EML4: variants seen among roughly 807,000 people sequenced by gnomAD.
EML4 encodes EMAP like 4.
In EML4, 72 loss-of-function variants were observed where a neutral mutation model predicts 129.0. The ratio of observed to expected loss-of-function variants is 0.56; its 90% CI spans 0.46 to 0.68. The LOEUF is 0.68. EML4 is among the 30% of genes least tolerant of loss of function. EML4 has a pLI of 0.00. For synonymous variants in EML4, 532 were observed against 405.0 expected, an observed-to-expected ratio of 1.31 and a Z score of -3.77; for missense variants, 1,363 against 1,190.6, an observed-to-expected ratio of 1.14 and a Z score of -2.13.
At chr2:42,239,648 A>C (rs1193668923) in intron 1 of EML4, among the ~76,000 whole-genome samples, 1 of 151,982 alleles carries the variant, frequency 6.6e-6, no homozygotes, top group Non-Finnish European at 1.5e-5. Context: ...TTAACCTTCA[A>C]AGCTGGAAAC....
In EML4 at chr2:42,208,151, C is replaced by A. The variant is rs924664415; in HGVS notation, c.26-37354C>A. The A allele has an allele frequency of 3.9e-5, 6 of 152,206 alleles. No individual in the cohort carries two copies. In the South Asian group the frequency reaches 1.2e-3, roughly 32 times the overall value. 9.4% of individuals were successfully genotyped at this position (152,206 alleles called of 1,614,324 possible). A position where few individuals can be genotyped will look rare whatever the true frequency, so the allele number is the denominator to read the frequency against. ...GCATTTATTCGTTTATTCTTCCTGG[C>A]CACTCTGGGAGGGAGGTCTTATGTC... is the stretch of plus-strand genomic sequence containing the variant. On this transcript the variant is annotated intron_variant, in intron 1 of 22. Transcript: ENST00000318522.
intron 17 of EML4, among the ~76,000 whole-genome samples, chr2:42,315,003 TC>T (rs1411694252): frequency 6.6e-6 from 1 of 152,236 alleles, no homozygotes; most frequent in Non-Finnish European, 1.5e-5. Context: ...ATTTAGAGCT[TC>T]CCTGTGCAAG....
At chr2:42,307,365 T>C (rs984988585) in intron 17 of EML4, among the ~76,000 whole-genome samples, 1 of 152,260 alleles carries the variant, frequency 6.6e-6, no homozygotes, top group Non-Finnish European at 1.5e-5. Flanking sequence ...AGTGATGTGA[T>C]AACTAAATTG....
chr2:42,295,258 G>A lies in EML4; in HGVS notation c.1352G>A (p.Gly451Glu). The part of the protein sequence containing the change: ...NSLTRKQGIF[G>E]KYEKPKFVQC... The stretch of plus-strand genomic sequence containing the variant: ...CTAACAAGAAAACAGGGAATTTTTG[G>A]GGTAAGAATCAGATTGTTTTAATGT... Residue 451 changes from glycine to glutamate, a missense_variant and splice_region_variant, in exon 12 of 23, where the codon GGG becomes GAG. Coordinates refer to ENST00000318522, the MANE Select transcript of EML4 (RefSeq NM_019063.5). The A allele has an allele frequency of 1.2e-6, 2 of 1,612,684 alleles. No individual in the cohort carries two copies. Among genetic ancestry groups the A allele is most frequent in the Non-Finnish European group, 1.7e-6 (2 of 1,179,602 alleles).
At chr2:42,208,935 T>TC (rs1442492404) in intron 1 of EML4, among the ~76,000 whole-genome samples, 1 of 152,132 alleles carries the variant, frequency 6.6e-6, no homozygotes, top group African/African-American at 2.4e-5. Context: ...TAGGTACCCA[T>TC]CCCATTTACA....
intron 6 of EML4, among the ~76,000 whole-genome samples, chr2:42,271,113 T>G (rs1182235168): frequency 6.6e-6 from 1 of 152,112 alleles, no homozygotes; most frequent in Non-Finnish European, 1.5e-5. Flanking sequence ...AGGCTGTTCT[T>G]GAACTCCTGG....
At chr2:42,213,969 A>T (rs1007980288) in intron 1 of EML4, among the ~76,000 whole-genome samples, 21 of 152,214 alleles carry the variant, frequency 1.4e-4, no homozygotes, top group Non-Finnish European at 2.9e-5. Context: ...CTGAGTACCT[A>T]TTATGTGTGT....
At chr2:42,281,583 C>T (rs569873647) in intron 7 of EML4, among the ~76,000 whole-genome samples, 1 of 152,258 alleles carries the variant, frequency 6.6e-6, no homozygotes, top group South Asian at 2.1e-4. Context: ...CACTTACTCT[C>T]CGTGAACCTT....
At chr2:42,319,976 T>G (rs971301695) in intron 19 of EML4, 3 of 152,188 alleles carry the variant, frequency 2.0e-5, no homozygotes, top group Admixed American at 1.3e-4. Context: ...ATAAAAATAA[T>G]AAAGTAAATC....
intron 1 of EML4, among the ~76,000 whole-genome samples, chr2:42,211,341 A>G (rs2104023539): frequency 6.6e-6 from 1 of 152,304 alleles, no homozygotes; most frequent in South Asian, 2.1e-4. Flanking sequence ...TAAAAGGAAG[A>G]ACTTCTTAGA....
intron 2 of EML4, among the ~76,000 whole-genome samples, chr2:42,251,788 A>C (rs1675786671): frequency 6.6e-6 from 1 of 152,224 alleles, no homozygotes; most frequent in South Asian, 2.1e-4. Flanking sequence ...ACCATCTTAA[A>C]GGCCTCAGAA....
intron 6 of EML4, among the ~76,000 whole-genome samples, chr2:42,279,518 C>T (rs1218446546): frequency 2.6e-5 from 4 of 151,320 alleles, no homozygotes; most frequent in African/African-American, 4.9e-5. Flanking sequence ...AGTGCAGTGG[C>T]GCGATCTTGG....
chr2:42,175,416 AGT>A (rs1318683813), intron 1 of EML4, among the ~76,000 whole-genome samples: 1 of 151,942 alleles, frequency 6.6e-6, no homozygotes. Context: ...CCTGGCCAAG[AGT>A]GTGTTATTTT....
At chr2:42,250,458 A>T (rs1675696639) in intron 2 of EML4, among the ~76,000 whole-genome samples, 1 of 152,132 alleles carries the variant, frequency 6.6e-6, no homozygotes. Flanking sequence ...CCTTGGTGGG[A>T]CCCTTACGCT....
rs779273039 is a variant in EML4 at position 42,288,338 on chromosome 2, A to G, written c.1218+16A>G. ...AGAAATAAAGGTAAATTTTTAAAAA[A>G]CCGAGTATTGTGTTTTAGAGTACGT... is the stretch of plus-strand genomic sequence containing the variant. On this transcript the variant is annotated intron_variant, in intron 11 of 22. Coordinates refer to ENST00000318522, the MANE Select transcript of EML4 (RefSeq NM_019063.5). 67 of 1,309,748 alleles carry G rather than the reference A, an allele frequency of 5.1e-5. No individual in the cohort carries two copies. The highest frequency in any genetic ancestry group is 7.2e-5 in the Non-Finnish European group (66 of 914,606). 81.1% of individuals were successfully genotyped at this position (1,309,748 alleles called of 1,614,324 possible). A position where few individuals can be genotyped will look rare whatever the true frequency, so the allele number is the denominator to read the frequency against.
chr2:42,216,230 C>CTTTTTTTTTT (rs61417977), intron 1 of EML4, among the ~76,000 whole-genome samples: 5 of 43,378 alleles, frequency 1.2e-4, no homozygotes, highest in African/African-American at 6.4e-4. Context: ...CGGCCCACTT[C>CTTTTTTTTTT]TTTTTTTTTT....
At position 42,301,290 on chromosome 2, in the gene EML4, C is replaced by T. The variant is rs1668272325; in HGVS notation, c.1539C>T (p.Phe513=). The stretch of plus-strand genomic sequence containing the variant: ...TCAAAGCTCATGATGGCAGTGTGTT[C>T]ACACTTTGTCAGATGAGAAATGGGA... ...KQIKAHDGSV[F]TLCQMRNGML... is the part of the protein sequence containing the mutation. The change falls in exon 14 of 23, where the codon TTC becomes TTT. Residue 513 remains phenylalanine, a synonymous_variant. Transcript: ENST00000318522. 2 of 1,613,052 alleles carry T rather than the reference C, an allele frequency of 1.2e-6. No individual in the cohort carries two copies. The highest frequency in any genetic ancestry group is 2.7e-5 in the African/African-American group (2 of 74,938).
At position 42,169,371 on chromosome 2, in the gene EML4, G is replaced by T. The variant is rs894115155; in HGVS notation, c.-241G>T. 8.0e-6 allele frequency: 2 copies of T among 250,044 alleles called. No individual in the cohort carries two copies. Among genetic ancestry groups the T allele is most frequent in the Non-Finnish European group, 7.7e-6 (1 of 129,790 alleles). The allele number at this position is 250,044 out of a possible 1,614,324, so 15.5% of individuals were successfully genotyped here. ...GCGCGGCGCGGCGCTCGCGGCTGCT[G>T]CCTGGGAGGGAGGCCGGGCAGGCGG... On this transcript the variant is annotated 5_prime_UTR_variant, in exon 1 of 23. Transcript: ENST00000318522.
intron 1 of EML4, among the ~76,000 whole-genome samples, chr2:42,184,757 T>A (rs1671147891): frequency 2.6e-5 from 4 of 152,224 alleles, no homozygotes; most frequent in Admixed American, 2.6e-4. Context: ...CATTTGATTT[T>A]CCTTACAGAG....
Sources: gnomAD v4.1 joint callset for allele counts (sites outside exome capture counted in the v4.1 genomes callset) on GRCh38, gnomAD v4.1.1 for gene constraint, MANE v1.5 for transcripts, NCBI Gene and HGNC (gene_info 2026-07-23, HGNC 2026-07-21) for gene names.